NCKAP5: variants seen among roughly 807,000 people sequenced by gnomAD.
NCKAP5 encodes NCK associated protein 5, also known as nck-associated protein 5.
In NCKAP5, 92 loss-of-function variants were observed where a neutral mutation model predicts 167.0. The observed-to-expected ratio is 0.55, with a 90% CI of 0.47 to 0.66. The LOEUF is 0.66. Ranked by LOEUF, NCKAP5 falls within the 30% of genes least tolerant of loss-of-function variation. The probability of loss-of-function intolerance (pLI) is 0.00; values close to 1 mark genes in which losing one functional copy is unlikely to be tolerated. For synonymous variants in NCKAP5, 891 were observed against 877.4 expected, an observed-to-expected ratio of 1.02 and a Z score of -0.27; for missense variants, 2,378 against 2,315.0, an observed-to-expected ratio of 1.03 and a Z score of -0.56.
chr2:132,795,843 A>AAAC (rs1684556500), intron 12 of NCKAP5, among the ~76,000 whole-genome samples: 8 of 150,552 alleles, frequency 5.3e-5, no homozygotes, highest in Non-Finnish European at 4.4e-5. Context: ...AAAAAACAAA[A>AAAC]AAAACAAAAG....
At chr2:132,909,426 C>T (rs1340882735) in intron 8 of NCKAP5, among the ~76,000 whole-genome samples, 3 of 152,170 alleles carry the variant, frequency 2.0e-5, no homozygotes, top group Admixed American at 2.0e-4. Context: ...TTCTCATTTG[C>T]TCCTTTTTAG....
intron 3 of NCKAP5, among the ~76,000 whole-genome samples, chr2:133,471,444 G>A (rs1679299257): frequency 6.6e-6 from 1 of 152,114 alleles, no homozygotes. Flanking sequence ...TTGCGACCCA[G>A]TCATTGCAAA....
chr2:133,516,343 G>A (rs1683993423), intron 3 of NCKAP5, among the ~76,000 whole-genome samples: 1 of 152,138 alleles, frequency 6.6e-6, no homozygotes. Context: ...GACGTAGGAG[G>A]TGAGATGGGG....
At chr2:133,008,182 T>C (rs772400142) in intron 6 of NCKAP5, among the ~76,000 whole-genome samples, 14 of 151,696 alleles carry the variant, frequency 9.2e-5, no homozygotes, top group Non-Finnish European at 1.8e-4. Flanking sequence ...TCCCATTGGG[T>C]GTTACTTTTT....
intron 7 of NCKAP5, among the ~76,000 whole-genome samples, chr2:132,993,345 C>T (rs2077499538): frequency 6.6e-6 from 1 of 152,168 alleles, no homozygotes; most frequent in African/African-American, 2.4e-5. Context: ...TCCACCATAC[C>T]ACAGCCTTCT....
chr2:133,360,852 TAGA>T (rs1685052924), intron 3 of NCKAP5, among the ~76,000 whole-genome samples: 1 of 150,748 alleles, frequency 6.6e-6, no homozygotes, highest in South Asian at 2.1e-4. Context: ...GGCTGGTGAG[TAGA>T]AGATCATGGC....
intron 3 of NCKAP5, among the ~76,000 whole-genome samples, chr2:133,370,031 C>G (rs913258031): frequency 1.3e-5 from 2 of 152,296 alleles, no homozygotes; most frequent in Admixed American, 6.5e-5. Flanking sequence ...AGGTGACATC[C>G]AAATCCACTT....
chr2:133,519,126 T>C (rs1684266718), intron 2 of NCKAP5, among the ~76,000 whole-genome samples: 1 of 152,114 alleles, frequency 6.6e-6, no homozygotes, highest in South Asian at 2.1e-4. Context: ...ATCAAGAGGG[T>C]TGAGACAGTG....
rs1690739317 is a variant in NCKAP5 at position 132,870,656 on chromosome 2, GT to G, written c.649-1683del. 2.6e-5 allele frequency among the ~76,000 whole-genome samples: 4 copies of G among 151,242 alleles called. No individual in the cohort carries two copies. The East Asian group carries it at 5.8e-4, about 22-fold the overall frequency. On this transcript the variant is annotated intron_variant, in intron 9 of 19. Transcript: ENST00000409261. ...ACGGGAGACTGAGGGACACTTTTGT[GT>G]TATTTTTCTCTTGGTAACATATTTG...
intron 11 of NCKAP5, among the ~76,000 whole-genome samples, chr2:132,847,690 T>C (rs1688766342): frequency 6.6e-6 from 1 of 152,198 alleles, no homozygotes; most frequent in Non-Finnish European, 1.5e-5. Context: ...CATATTATCA[T>C]CACCAGTCAA....
intron 4 of NCKAP5, among the ~76,000 whole-genome samples, chr2:133,239,231 T>C (rs947885876): frequency 4.1e-4 from 63 of 152,344 alleles, no homozygotes; most frequent in African/African-American, 1.4e-3. Context: ...AATTAATTAA[T>C]GTATATAGCT....
intron 4 of NCKAP5, among the ~76,000 whole-genome samples, chr2:133,274,865 A>T: frequency 6.6e-6 from 1 of 152,022 alleles, no homozygotes; most frequent in East Asian, 1.9e-4. Context: ...AAGCAAATTT[A>T]TAAGACTTTT....
At chr2:132,934,521 G>C (rs1476384524) in intron 8 of NCKAP5, among the ~76,000 whole-genome samples, 1 of 152,212 alleles carries the variant, frequency 6.6e-6, no homozygotes, top group East Asian at 1.9e-4. Flanking sequence ...GCAGTGAGTA[G>C]AGATCACGTC....
At chr2:133,135,168 A>G (rs2082744512) in intron 5 of NCKAP5, among the ~76,000 whole-genome samples, 1 of 152,240 alleles carries the variant, frequency 6.6e-6, no homozygotes, top group Non-Finnish European at 1.5e-5. Context: ...TGAAAGGTGA[A>G]AGTGACGGAA....
chr2:133,103,681 G>C (rs941142941), intron 6 of NCKAP5, among the ~76,000 whole-genome samples: 9 of 152,176 alleles, frequency 5.9e-5, no homozygotes, highest in African/African-American at 2.2e-4. Context: ...GGGAGGCTGA[G>C]GTAGGGGGAT....
chr2:133,486,596 C>T (rs1408440537), intron 3 of NCKAP5, among the ~76,000 whole-genome samples: 1 of 152,150 alleles, frequency 6.6e-6, no homozygotes, highest in Non-Finnish European at 1.5e-5. Context: ...GTTTAGCATT[C>T]AACACATGTG....
At chr2:133,363,903 T>C (rs539253451) in intron 3 of NCKAP5, among the ~76,000 whole-genome samples, 35 of 152,328 alleles carry the variant, frequency 2.3e-4, no homozygotes, top group African/African-American at 8.4e-4. Context: ...ATTATTTACA[T>C]TTTGCTTCTG....
intron 8 of NCKAP5, among the ~76,000 whole-genome samples, chr2:132,915,968 T>C (rs1048232618): frequency 6.6e-6 from 1 of 152,008 alleles, no homozygotes; most frequent in Admixed American, 6.6e-5. Context: ...CACACATCCA[T>C]ACAATGTGAG....
rs150306124 is a variant in NCKAP5, at chr2:133,509,622, C to T, written c.69+7836G>A. 4.4e-3 allele frequency among the ~76,000 whole-genome samples: 664 copies of T among 152,308 alleles called. 7 individuals carry two copies. The highest frequency in any genetic ancestry group is 0.015 in the African/African-American group (637 of 41,556). ...CAATGTGAATATGACATGGCCCATGCCCTCAGGAAACCTACAGTCAGGGGT... is the reference window on the plus strand; with the variant it reads ...CAATGTGAATATGACATGGCCCATGTCCTCAGGAAACCTACAGTCAGGGGT... On this transcript the variant is annotated intron_variant, in intron 3 of 19. Transcript: ENST00000409261.
Sources: gnomAD v4.1 joint callset for allele counts (sites outside exome capture counted in the v4.1 genomes callset) on GRCh38, gnomAD v4.1.1 for gene constraint, MANE v1.5 for transcripts, NCBI Gene and HGNC (gene_info 2026-07-23, HGNC 2026-07-21) for gene names.